The following DLG2 variants were observed in gnomAD, a reference collection of about 807,000 sequenced individuals.
The protein encoded by DLG2 is disks large homolog 2.
A neutral mutation model predicts 132.5 loss-of-function variants in DLG2; 45 were observed. That is an observed-to-expected ratio of 0.34 (90% confidence interval 0.27 to 0.44). The LOEUF (loss-of-function observed/expected upper bound fraction) is 0.44. Ranked by LOEUF, DLG2 falls within the 20% of genes least tolerant of loss-of-function variation. DLG2 has a pLI of 1.00. For synonymous variants in DLG2, 424 were observed against 419.6 expected (o/e 1.01, Z -0.13); for missense variants, 1,045 against 1,196.9 (o/e 0.87, Z 1.87).
At chr11:84,247,479 C>A (rs1027965725) in intron 8 of DLG2, among the ~76,000 whole-genome samples, 2 of 152,098 alleles carry the variant, frequency 1.3e-5, no homozygotes, top group Non-Finnish European at 2.9e-5. Flanking sequence ...GGAAAAATAT[C>A]TTTCCTTGTT....
At chr11:84,732,691 A>T (rs905089718) in intron 6 of DLG2, among the ~76,000 whole-genome samples, 4 of 151,932 alleles carry the variant, frequency 2.6e-5, no homozygotes, top group Admixed American at 1.3e-4. Flanking sequence ...CATGTGCACA[A>T]TGTGCAGGTT....
intron 7 of DLG2, among the ~76,000 whole-genome samples, chr11:84,315,448 T>C (rs2098343565): frequency 1.3e-5 from 2 of 152,186 alleles, no homozygotes; most frequent in Admixed American, 6.5e-5. Flanking sequence ...GCTTGCTTCC[T>C]AGCCTATGTG....
intron 3 of DLG2, among the ~76,000 whole-genome samples, chr11:85,317,902 T>TA (rs202158989): frequency 8.1e-5 from 12 of 147,732 alleles, no homozygotes; most frequent in African/African-American, 1.7e-4. Flanking sequence ...ACCCTGAACC[T>TA]AAAAAAAAAA....
chr11:84,705,694 T>C (rs1205805097), intron 6 of DLG2, among the ~76,000 whole-genome samples: 2 of 151,778 alleles, frequency 1.3e-5, no homozygotes, highest in African/African-American at 2.4e-5. Context: ...TATTTGTTCA[T>C]TCAATATATA....
chr11:85,141,419 T>G (rs1362915975), intron 5 of DLG2, among the ~76,000 whole-genome samples: 4 of 151,712 alleles, frequency 2.6e-5, no homozygotes, highest in South Asian at 2.1e-4. Flanking sequence ...AGATTATTTG[T>G]TTTTTTTCCC....
At chr11:83,651,918 G>T (rs774234686) in intron 18 of DLG2, 27 of 470,702 alleles carry the variant, frequency 5.7e-5, no homozygotes, top group Non-Finnish European at 1.1e-4. Flanking sequence ...GAAATCTTAT[G>T]TGATATCGGC....
At chr11:83,612,985 G>A (rs575270091) in intron 19 of DLG2, among the ~76,000 whole-genome samples, 56 of 152,280 alleles carry the variant, frequency 3.7e-4, no homozygotes, top group African/African-American at 1.2e-3. Context: ...GGCTGGAAGC[G>A]AATGACACTT....
chr11:85,493,752 G>C (rs1231967652), intron 3 of DLG2, among the ~76,000 whole-genome samples: 2 of 141,754 alleles, frequency 1.4e-5, no homozygotes, highest in Non-Finnish European at 3.0e-5. Flanking sequence ...GAGAGAAAGA[G>C]AGACAGAGAA....
intron 3 of DLG2, among the ~76,000 whole-genome samples, chr11:85,392,315 A>G (rs2086870119): frequency 6.6e-6 from 1 of 152,128 alleles, no homozygotes; most frequent in Admixed American, 6.5e-5. Flanking sequence ...AACATATCCC[A>G]TGCTTAAGGA....
intron 4 of DLG2, among the ~76,000 whole-genome samples, chr11:85,186,722 C>A (rs1333129379): frequency 6.6e-6 from 1 of 152,068 alleles, no homozygotes; most frequent in Non-Finnish European, 1.5e-5. Context: ...TGCCCAGACA[C>A]TTGTGTATGC....
intron 7 of DLG2, among the ~76,000 whole-genome samples, chr11:84,351,332 T>C (rs978166393): frequency 2.0e-5 from 3 of 152,178 alleles, no homozygotes; most frequent in Admixed American, 2.0e-4. Flanking sequence ...CTCATATTTC[T>C]GACTATTTCC....
chr11:85,115,684 AAC>A (rs2073465308), intron 5 of DLG2, among the ~76,000 whole-genome samples: 1 of 151,978 alleles, frequency 6.6e-6, no homozygotes, highest in Non-Finnish European at 1.5e-5. Flanking sequence ...TCAGGTTTCC[AAC>A]ACAGTTTTAA....
rs78601330 is a variant in DLG2 at position 84,560,086 on chromosome 11, G to A, written c.358-25355C>T. 9.9e-5 allele frequency among the ~76,000 whole-genome samples: 15 copies of A among 152,158 alleles called. No individual in the cohort carries two copies. The East Asian group carries it at 2.9e-3, about 29-fold the overall frequency. ...GAATAAATTCAGCCTAACAGGTTTT[G>A]CATAATCTTTTTAGATTCTTTTATA... On this transcript the variant is annotated intron_variant, in intron 6 of 27. Coordinates refer to ENST00000376104, the MANE Select transcript of DLG2 (RefSeq NM_001142699.3).
intron 4 of DLG2, among the ~76,000 whole-genome samples, chr11:85,216,862 A>T (rs2082643720): frequency 6.6e-6 from 1 of 151,864 alleles, no homozygotes; most frequent in Non-Finnish European, 1.5e-5. Flanking sequence ...CGCCCAGCTA[A>T]TTTTTGTGTT....
intron 3 of DLG2, among the ~76,000 whole-genome samples, chr11:85,335,890 C>T (rs1193286019): frequency 6.6e-6 from 1 of 152,046 alleles, no homozygotes; most frequent in African/African-American, 2.4e-5. Context: ...TATGTGTACA[C>T]CTATGTAACA....
intron 6 of DLG2, among the ~76,000 whole-genome samples, chr11:84,798,399 C>T (rs2074945912): frequency 6.6e-6 from 1 of 152,176 alleles, no homozygotes; most frequent in Non-Finnish European, 1.5e-5. Context: ...AAAGTCCTTC[C>T]CCCTCTTTCC....
chr11:83,526,373 C>T (rs764476510), intron 21 of DLG2, among the ~76,000 whole-genome samples: 2 of 152,198 alleles, frequency 1.3e-5, no homozygotes, highest in African/African-American at 2.4e-5. Context: ...TCCAACCTTT[C>T]CTTCCCACAG....
chr11:85,508,723 G>GT (rs1267318346), intron 3 of DLG2, among the ~76,000 whole-genome samples: 1 of 151,994 alleles, frequency 6.6e-6, no homozygotes, highest in Non-Finnish European at 1.5e-5. Flanking sequence ...GAGGGTAAAA[G>GT]TATTTGTGTT....
At chr11:83,781,774 T>A (rs2094839440) in intron 18 of DLG2, among the ~76,000 whole-genome samples, 2 of 152,142 alleles carry the variant, frequency 1.3e-5, no homozygotes, top group African/African-American at 4.8e-5. Flanking sequence ...CCTACCTAGT[T>A]CTCCAAGTCA....
Sources: gnomAD v4.1 joint callset for allele counts (sites outside exome capture counted in the v4.1 genomes callset) on GRCh38, gnomAD v4.1.1 for gene constraint, MANE v1.5 for transcripts, NCBI Gene and HGNC (gene_info 2026-07-23, HGNC 2026-07-21) for gene names.